SLC38A4: variants seen among roughly 807,000 people sequenced by gnomAD.
SLC38A4 encodes the protein solute carrier family 38 member 4.
In SLC38A4, 20 loss-of-function variants were observed where a neutral mutation model predicts 63.1. The observed-to-expected ratio is 0.32, with a 90% CI of 0.22 to 0.46. The LOEUF is 0.46. Ranked by LOEUF, SLC38A4 falls within the 20% of genes least tolerant of loss-of-function variation. SLC38A4 has a pLI of 1.00. For missense variants in SLC38A4, 526 were observed against 663.6 expected (o/e 0.79, Z 2.28); for synonymous variants, 230 against 225.5 (o/e 1.02, Z -0.18).
Position 46,778,319 on chromosome 12 carries a change from T to C in SLC38A4, c.1043A>G (p.Glu348Gly), listed in dbSNP as rs749831481. 4 of 1,612,676 alleles carry C rather than the reference T, an allele frequency of 2.5e-6. No homozygotes were observed. Reference sequence around the variant, plus strand: ...AAGTTCACTGTAGATGGGAAGGACCTCAGGGTGGCATACAAAAGCAAATAC... The same window carrying C: ...AAGTTCACTGTAGATGGGAAGGACCCCAGGGTGGCATACAAAAGCAAATAC... ...ILVFAFVCHP[E>G]VLPIYSELKD... is the part of the protein sequence containing the mutation. Residue 348 changes from glutamate to glycine, a missense_variant, in exon 12 of 17, where the codon GAG (glutamate) becomes GGG (glycine). By Grantham distance (98) the Glu-to-Gly change is moderately conservative. Transcript: ENST00000266579.
chr12:46,823,295 A>G (rs541533388), intron 1 of SLC38A4, among the ~76,000 whole-genome samples: 193 of 152,290 alleles, frequency 1.3e-3, no homozygotes, highest in African/African-American at 4.5e-3. Flanking sequence ...TGCCCTGCCC[A>G]CACACACAGG....
intron 14 of SLC38A4, among the ~76,000 whole-genome samples, chr12:46,772,615 A>G (rs1165143986): frequency 6.6e-6 from 1 of 152,104 alleles, no homozygotes; most frequent in Non-Finnish European, 1.5e-5. Flanking sequence ...AATTCATTTC[A>G]TTTATTCACT....
Position 46,780,074 on chromosome 12 carries a change from A to C in SLC38A4, c.494-44T>G, listed in dbSNP as rs747500474. ...CAGCTTAATGGTGTGGACAGTACTGAAGTCACATGCAAGCAAGTTATGACA... is the reference window on the plus strand; with the variant it reads ...CAGCTTAATGGTGTGGACAGTACTGCAGTCACATGCAAGCAAGTTATGACA... On this transcript the variant is annotated intron_variant, in intron 7 of 16. Coordinates refer to ENST00000266579, the MANE Select transcript of SLC38A4 (RefSeq NM_018018.5). The C allele has an allele frequency of 6.6e-5, 94 of 1,429,042 alleles. No homozygotes were observed. The Admixed American group carries it at 1.6e-3, about 24-fold the overall frequency. The allele number at this position is 1,429,042 out of a possible 1,614,324, so 88.5% of individuals were successfully genotyped here. A position where few individuals can be genotyped will look rare whatever the true frequency, so the allele number is the denominator to read the frequency against.
intron 1 of SLC38A4, among the ~76,000 whole-genome samples, chr12:46,805,706 TAGAA>T (rs1018931119): frequency 2.6e-5 from 4 of 152,088 alleles, no homozygotes; most frequent in Non-Finnish European, 2.9e-5. Context: ...TGTACCATAG[TAGAA>T]AGAGCTAATC....
rs138639424 is a variant in SLC38A4, at chr12:46,783,667, C to T, written c.493+875G>A. On this transcript the variant is annotated intron_variant, in intron 7 of 16. Transcript: ENST00000266579. ...AGAGTTGGGGAAAAGGAAACATTTACGCTGACATCCAGATTTCTGCCCTCA... is the reference window on the plus strand; with the variant it reads ...AGAGTTGGGGAAAAGGAAACATTTATGCTGACATCCAGATTTCTGCCCTCA... Among the ~76,000 whole-genome samples the T allele has an allele frequency of 1.3e-3, 205 of 152,156 alleles. 1 individual carries two copies. Among genetic ancestry groups the T allele is most frequent in the Admixed American group, 4.2e-3 (64 of 15,264 alleles).
At chr12:46,797,725 TTACATCAGC>T (rs751228512) in intron 2 of SLC38A4, among the ~76,000 whole-genome samples, 1 of 152,118 alleles carries the variant, frequency 6.6e-6, no homozygotes, top group Non-Finnish European at 1.5e-5. Context: ...ACTCCTCAAG[TTACATCAGC>T]CTAGGCTTCT....
At chr12:46,779,497 A>C in intron 10 of SLC38A4, 114 bp downstream of exon 10, 1 of 807,210 alleles carries the variant, frequency 1.2e-6, no homozygotes, top group East Asian at 2.5e-5. Flanking sequence ...ATCACTTGTG[A>C]TACAAGAACT....
chr12:46,776,480 A>G (rs1034319709), intron 13 of SLC38A4, among the ~76,000 whole-genome samples: 4 of 152,032 alleles, frequency 2.6e-5, no homozygotes, highest in African/African-American at 9.7e-5. Flanking sequence ...TTGACTGGTA[A>G]AGAGGAGGCA....
intron 1 of SLC38A4, among the ~76,000 whole-genome samples, chr12:46,810,862 A>G (rs1939325890): frequency 6.6e-6 from 1 of 152,064 alleles, no homozygotes; most frequent in Non-Finnish European, 1.5e-5. Context: ...GTACTTAACC[A>G]GCAAACAATC....
intron 5 of SLC38A4, among the ~76,000 whole-genome samples, chr12:46,786,367 C>A (rs1592182357): frequency 1.3e-5 from 2 of 152,118 alleles, no homozygotes; most frequent in Non-Finnish European, 2.9e-5. Flanking sequence ...ACAAAACACA[C>A]CCCATGATGT....
chr12:46,789,090 A>G (rs1304078335), intron 3 of SLC38A4, among the ~76,000 whole-genome samples: 1 of 152,080 alleles, frequency 6.6e-6, no homozygotes, highest in East Asian at 1.9e-4. Flanking sequence ...CCTATAGGGA[A>G]CTGTGGCTCA....
chr12:46,779,884 A>G (rs1938605261), intron 8 of SLC38A4, 22 bp from the exon 9 acceptor site: 1 of 1,610,078 alleles, frequency 6.2e-7, no homozygotes, highest in African/African-American at 1.3e-5. Flanking sequence ...AGACAAGGAT[A>G]TTAGAATCAG....
chr12:46,791,550 A>G (rs938962665), intron 3 of SLC38A4, among the ~76,000 whole-genome samples: 1 of 152,182 alleles, frequency 6.6e-6, no homozygotes, highest in African/African-American at 2.4e-5. Context: ...TTTGAGCACA[A>G]TATTCTCTAT....
chr12:46,786,832 T>C (rs1938771572), intron 5 of SLC38A4, among the ~76,000 whole-genome samples: 1 of 152,188 alleles, frequency 6.6e-6, no homozygotes. Flanking sequence ...GTGTGATTAC[T>C]AATCATATGT....
chr12:46,794,580 T>TA (rs908893435), intron 2 of SLC38A4, among the ~76,000 whole-genome samples: 2 of 151,574 alleles, frequency 1.3e-5, no homozygotes, highest in African/African-American at 4.8e-5. Flanking sequence ...CATTGAAATT[T>TA]AAAAAAACTC....
intron 1 of SLC38A4, among the ~76,000 whole-genome samples, chr12:46,809,550 G>A (rs1939300383): frequency 6.6e-6 from 1 of 152,044 alleles, no homozygotes; most frequent in Non-Finnish European, 1.5e-5. Flanking sequence ...GACACTTGTT[G>A]CCTAATGCAC....
chr12:46,769,218 T>A (rs1938360151), intron 15 of SLC38A4, 66 bp downstream of exon 15: 2 of 1,569,358 alleles, frequency 1.3e-6, no homozygotes, highest in Admixed American at 1.7e-5. Flanking sequence ...CAGCACTGGT[T>A]CCCTGTCCAT....
chr12:46,821,910 AATT>A (rs1939557780), intron 1 of SLC38A4, among the ~76,000 whole-genome samples: 1 of 152,062 alleles, frequency 6.6e-6, no homozygotes, highest in Non-Finnish European at 1.5e-5. Flanking sequence ...TTACCTCTTT[AATT>A]ACGTTCATTC....
chr12:46,768,216 T>G, intron 16 of SLC38A4, 94 bp downstream of exon 16: 1 of 909,966 alleles, frequency 1.1e-6, no homozygotes, highest in Non-Finnish European at 1.6e-6. Flanking sequence ...TTCTTGTACA[T>G]TGATTCATTT....
Sources: allele counts gnomAD v4.1 joint callset (sites outside exome capture counted in the v4.1 genomes callset), GRCh38; gene constraint gnomAD v4.1.1; transcripts MANE v1.5; gene names NCBI Gene and HGNC (gene_info 2026-07-23, HGNC 2026-07-21).